FCGR1A: variants seen among roughly 807,000 people sequenced by gnomAD.
The protein encoded by FCGR1A is high affinity immunoglobulin gamma Fc receptor I.
A neutral mutation model predicts 35.0 loss-of-function variants in FCGR1A; 13 were observed. The ratio of observed to expected loss-of-function variants is 0.37; its 90% CI spans 0.24 to 0.59. The LOEUF (loss-of-function observed/expected upper bound fraction) is 0.59, where lower values mean the gene tolerates loss of function less well. Ranked by LOEUF, FCGR1A falls within the 20% of genes least tolerant of loss-of-function variation. The pLI, the probability that FCGR1A is intolerant of heterozygous loss-of-function variation, is 0.71. For synonymous variants in FCGR1A, 91 were observed against 164.7 expected, an observed-to-expected ratio of 0.55 and a Z score of 3.43; for missense variants, 227 against 430.0, an observed-to-expected ratio of 0.53 and a Z score of 4.17.
At chr1:149,787,334 T>TCC (rs1553750943) in intron 3 of FCGR1A, 1 of 152,244 alleles carries the variant, frequency 6.6e-6, no homozygotes, top group Non-Finnish European at 1.5e-5. Flanking sequence ...CATTTTTACT[T>TCC]AGCCAAACCA....
intron 3 of FCGR1A, among the ~76,000 whole-genome samples, chr1:149,784,700 CTATA>C (rs34346480): frequency 0.79 from 115,416 of 146,114 alleles, 46,864 homozygotes; most frequent in East Asian, 0.99. Flanking sequence ...TATATATAAA[CTATA>C]TATATATATA....
chr1:149,788,263 C>G, intron 3 of FCGR1A, 103 bp from the exon 4 acceptor site: 6 of 1,608,556 alleles, frequency 3.7e-6, no homozygotes, highest in Non-Finnish European at 5.1e-6. Flanking sequence ...AGCTCTGAGG[C>G]TGGATGTTGC....
chr1:149,788,146 G>A (rs1294893407), intron 3 of FCGR1A: 1 of 682,560 alleles, frequency 1.5e-6, no homozygotes, highest in African/African-American at 1.8e-5. Context: ...GATCTGGAAA[G>A]GGAAGATAAG....
At chr1:149,791,104 T>C in intron 5 of FCGR1A, 133 bp from the exon 6 acceptor site, 5 of 1,157,928 alleles carry the variant, frequency 4.3e-6, no homozygotes, top group Non-Finnish European at 2.4e-6. Context: ...TCCTTCCTGC[T>C]CCCTGAAATG....
downstream of FCGR1A, chr1:149,794,067 G>A: frequency 1.9e-6 from 1 of 533,270 alleles, no homozygotes. Flanking sequence ...ACCAGGCTTA[G>A]TTGGAGACAG....
At chr1:149,789,793 C>T (rs2091655434) in intron 4 of FCGR1A, among the ~76,000 whole-genome samples, 1 of 152,126 alleles carries the variant, frequency 6.6e-6, no homozygotes, top group Admixed American at 6.5e-5. Flanking sequence ...AGTTGCCTTC[C>T]ACAAAATCCA....
rs1260317128 is a variant in FCGR1A, at chr1:149,785,414, T to G, written c.307+1157T>G. ...AAGCTGACAGAGCTGTTTCGTTTTT[T>G]TTTTTTTTTTTTTTTTTTTTGAGAC... On this transcript the variant is annotated intron_variant, in intron 3 of 5. Transcript: ENST00000369168. Among the ~76,000 whole-genome samples, 35 of 131,492 alleles carry G rather than the reference T, an allele frequency of 2.7e-4. No individual in the cohort carries two copies. In the East Asian group the frequency reaches 3.7e-3, roughly 14 times the overall value. 86.3% of individuals were successfully genotyped at this position (131,492 alleles called of 152,430 possible). A position where few individuals can be genotyped will look rare whatever the true frequency, so the allele number is the denominator to read the frequency against.
downstream of FCGR1A, among the ~76,000 whole-genome samples, chr1:149,793,501 G>C (rs2791035): frequency 4.8e-3 from 723 of 152,078 alleles, 8 homozygotes; most frequent in African/African-American, 0.017. Context: ...TGACAATGAG[G>C]CCCTGGAGGG....
At chr1:149,793,256 G>T (rs1553752435), downstream of FCGR1A, 1 of 1,248,786 alleles carries the variant, frequency 8.0e-7, no homozygotes, top group Non-Finnish European at 1.0e-6. Context: ...CGGCAGGGAG[G>T]GAGCGGGTGG....
At chr1:149,792,746 C>G, downstream of FCGR1A, 8 of 1,277,186 alleles carry the variant, frequency 6.3e-6, no homozygotes, top group African/African-American at 1.6e-5. Context: ...CCCGCCAAAA[C>G]CCAGTGAGAA....
chr1:149,790,235 A>G lies in FCGR1A; in HGVS notation c.741A>G (p.Ile247Met), dbSNP rs782741040. The stretch of plus-strand genomic sequence containing the variant: ...GGAACACATCCTCTGAATACCAAAT[A>G]CTAACTGCTAGAAGAGAAGACTCTG... ...RGRNTSSEYQ[I>M]LTARREDSGL... The change falls in exon 5 of 6, where the codon ATA becomes ATG. Residue 247 changes from isoleucine (I) to methionine (M), a missense_variant. Physicochemically the swap from Ile to Met is conservative, Grantham distance 10. Coordinates refer to ENST00000369168, the MANE Select transcript of FCGR1A (RefSeq NM_000566.4). 3.1e-6 allele frequency: 5 copies of G among 1,610,844 alleles called. No individual in the cohort carries two copies. The highest frequency in any genetic ancestry group is 4.2e-6 in the Non-Finnish European group (5 of 1,178,522).
chr1:149,787,355 GAGAAA>G (rs2091580042), intron 3 of FCGR1A: 2 of 152,184 alleles, frequency 1.3e-5, no homozygotes, highest in South Asian at 2.1e-4. Flanking sequence ...ACTGCCTCTG[GAGAAA>G]AGAAAAGTAG....
chr1:149,795,574 A>AC (rs1269402534), downstream of FCGR1A, among the ~76,000 whole-genome samples: 1 of 128,280 alleles, frequency 7.8e-6, no homozygotes, highest in East Asian at 2.2e-4. Context: ...AGATTCTTTT[A>AC]CTCTTACTCT....
At chr1:149,789,266 A>T (rs2091634764) in intron 4 of FCGR1A, among the ~76,000 whole-genome samples, 1 of 152,030 alleles carries the variant, frequency 6.6e-6, no homozygotes, top group Non-Finnish European at 1.5e-5. Flanking sequence ...TGTGGCGGGC[A>T]CCTGTAGTCC....
intron 5 of FCGR1A, 47 bp from the exon 6 acceptor site, chr1:149,791,190 T>C: frequency 6.2e-7 from 1 of 1,605,694 alleles, no homozygotes; most frequent in Non-Finnish European, 8.5e-7. Flanking sequence ...GCTAGACCCC[T>C]CTGGTCTCTA....
chr1:149,790,417 G>C, intron 5 of FCGR1A, 79 bp downstream of exon 5: 3 of 1,547,602 alleles, frequency 1.9e-6, no homozygotes, highest in South Asian at 1.2e-5. Flanking sequence ...TTTGTTCAAG[G>C]GTTTTTGGCC....
chr1:149,784,891 AT>A (rs1340864979), intron 3 of FCGR1A, among the ~76,000 whole-genome samples: 2 of 151,892 alleles, frequency 1.3e-5, no homozygotes, highest in South Asian at 4.1e-4. Flanking sequence ...CATTCTGCCT[AT>A]TAGCAAATTT....
the FCGR1A span, among the ~76,000 whole-genome samples, chr1:149,797,863 A>G: frequency 6.6e-6 from 1 of 152,106 alleles, no homozygotes; most frequent in African/African-American, 2.4e-5. Flanking sequence ...TCTGCCTACC[A>G]ATTATTTTCT....
downstream of FCGR1A, chr1:149,792,683 G>C: frequency 7.8e-7 from 1 of 1,280,482 alleles, no homozygotes; most frequent in Non-Finnish European, 1.0e-6. Flanking sequence ...AGCGCCCGGG[G>C]ACCCAGCTGC....
Sources: allele counts gnomAD v4.1 joint callset (sites outside exome capture counted in the v4.1 genomes callset), GRCh38; gene constraint gnomAD v4.1.1; transcripts MANE v1.5; gene names NCBI Gene and HGNC (gene_info 2026-07-23, HGNC 2026-07-21).